Variants in CSMD1 observed in about 807,000 individuals in gnomAD.
CSMD1 encodes the protein CUB and Sushi multiple domains 1, also known as CUB and sushi domain-containing protein 1.
In CSMD1, 213 loss-of-function variants were observed where a neutral mutation model predicts 417.5. That is an observed-to-expected ratio of 0.51 (90% CI 0.46 to 0.57). CSMD1 has a LOEUF of 0.57. CSMD1 is among the 20% of genes least tolerant of loss of function. The pLI is 0.00. For missense variants in CSMD1, 6,923 were observed against 4,529.7 expected, an observed-to-expected ratio of 1.53 and a Z score of -15.17; for synonymous variants, 2,862 against 1,736.8, an observed-to-expected ratio of 1.65 and a Z score of -16.11.
chr8:3,139,233 G>A (rs1426026299), intron 41 of CSMD1, among the ~76,000 whole-genome samples: 1 of 152,190 alleles, frequency 6.6e-6, no homozygotes, highest in Non-Finnish European at 1.5e-5. Context: ...GCTGTGAATG[G>A]CCATCATGGG....
chr8:4,784,161 T>C (rs115514433), intron 1 of CSMD1, among the ~76,000 whole-genome samples: 32 of 152,372 alleles, frequency 2.1e-4, no homozygotes, highest in African/African-American at 7.2e-4. Context: ...TTCATATTTA[T>C]GTACTCAAGT....
intron 3 of CSMD1, among the ~76,000 whole-genome samples, chr8:4,417,493 T>C (rs1293767312): frequency 6.6e-6 from 1 of 152,072 alleles, no homozygotes; most frequent in Non-Finnish European, 1.5e-5. Context: ...CTGTTAATAC[T>C]ACCACAATTC....
intron 1 of CSMD1, 27 bp from the exon 2 acceptor site, chr8:4,637,585 G>C (rs2617008): frequency 0.75 from 1,130,043 of 1,504,878 alleles, 422,131 homozygotes; most frequent in Admixed American, 0.83. Context: ...ACACAAAAAA[G>C]CATATTATTC....
intron 1 of CSMD1, among the ~76,000 whole-genome samples, chr8:4,814,037 G>C (rs1640222961): frequency 6.6e-6 from 1 of 152,194 alleles, no homozygotes; most frequent in Non-Finnish European, 1.5e-5. Context: ...ATTTAAAGGA[G>C]AAAGTAATGT....
chr8:4,059,537 G>T (rs1213552273), intron 3 of CSMD1, among the ~76,000 whole-genome samples: 1 of 152,048 alleles, frequency 6.6e-6, no homozygotes, highest in East Asian at 1.9e-4. Flanking sequence ...AAAATTGATA[G>T]ACTGCTAGCA....
chr8:4,449,671 G>T (rs141845023), intron 2 of CSMD1, among the ~76,000 whole-genome samples: 4 of 152,248 alleles, frequency 2.6e-5, no homozygotes, highest in African/African-American at 9.6e-5. Flanking sequence ...CAGCCTGAGA[G>T]GAATGGGATG....
intron 3 of CSMD1, among the ~76,000 whole-genome samples, chr8:4,250,250 C>T (rs1280531540): frequency 1.3e-5 from 2 of 152,124 alleles, no homozygotes; most frequent in Non-Finnish European, 1.5e-5. Context: ...AGACAACCTG[C>T]AAGAACAAAA....
intron 7 of CSMD1, among the ~76,000 whole-genome samples, chr8:3,633,184 AC>A (rs1188175567): frequency 6.6e-6 from 1 of 152,174 alleles, no homozygotes; most frequent in Non-Finnish European, 1.5e-5. Flanking sequence ...TGATGAACAC[AC>A]CTTTTCTCAC....
At chr8:3,376,189 A>C (rs1810291328) in intron 18 of CSMD1, among the ~76,000 whole-genome samples, 1 of 151,872 alleles carries the variant, frequency 6.6e-6, no homozygotes, top group South Asian at 2.1e-4. Flanking sequence ...TTATTTAATA[A>C]AAAAAATTTT....
chr8:4,070,705 A>G (rs1024087568), intron 3 of CSMD1, among the ~76,000 whole-genome samples: 3 of 152,026 alleles, frequency 2.0e-5, no homozygotes, highest in Non-Finnish European at 2.9e-5. Context: ...AGTTTTCACC[A>G]CAGGTTGTTT....
At chr8:4,291,491 T>G (rs902437260) in intron 3 of CSMD1, among the ~76,000 whole-genome samples, 1 of 152,200 alleles carries the variant, frequency 6.6e-6, no homozygotes, top group Non-Finnish European at 1.5e-5. Flanking sequence ...TAATTCCCAG[T>G]GATTCTGACA....
chr8:4,664,725 A>G (rs1470774070), intron 1 of CSMD1, among the ~76,000 whole-genome samples: 1 of 152,182 alleles, frequency 6.6e-6, no homozygotes, highest in Non-Finnish European at 1.5e-5. Flanking sequence ...TATTTTATAT[A>G]AAAGTGTAGA....
At chr8:4,125,646 A>G (rs1486832677) in intron 3 of CSMD1, among the ~76,000 whole-genome samples, 1 of 152,020 alleles carries the variant, frequency 6.6e-6, no homozygotes, top group Admixed American at 6.6e-5. Context: ...GACCTAACCA[A>G]CTCTATGTTG....
At chr8:4,524,068 T>C (rs1340124877) in intron 2 of CSMD1, among the ~76,000 whole-genome samples, 6 of 152,024 alleles carry the variant, frequency 3.9e-5, no homozygotes, top group African/African-American at 1.4e-4. Context: ...TTTTTTAGAA[T>C]GAACGAACAA....
chr8:3,091,707 C>G (rs1420700202), intron 47 of CSMD1, 45 bp from the exon 48 acceptor site: 2 of 1,567,716 alleles, frequency 1.3e-6, no homozygotes, highest in African/African-American at 1.4e-5. Flanking sequence ...TGAGTGAGCA[C>G]CTACCAAATG....
intron 3 of CSMD1, among the ~76,000 whole-genome samples, chr8:4,035,874 C>G (rs1797589418): frequency 6.6e-6 from 1 of 152,160 alleles, no homozygotes; most frequent in Admixed American, 6.6e-5. Flanking sequence ...ATAGTCCCGT[C>G]CGAAGCCTTC....
chr8:4,119,617 G>C lies in CSMD1; in HGVS notation c.416-87518C>G, dbSNP rs553043616. ...ATCTAGGGAGGAGACCAGGACTTCTGCTCTGTCTGTGCTCTGTGAGGAACA... is the reference window on the plus strand; with the variant it reads ...ATCTAGGGAGGAGACCAGGACTTCTCCTCTGTCTGTGCTCTGTGAGGAACA... On this transcript the variant is annotated intron_variant, in intron 3 of 69. Transcript: ENST00000635120. Among the ~76,000 whole-genome samples, 27 of 152,094 alleles carry C rather than the reference G, an allele frequency of 1.8e-4. No individual in the cohort carries two copies. In the South Asian group the frequency reaches 5.4e-3, roughly 30 times the overall value.
At chr8:3,676,688 G>C (rs886534691) in intron 7 of CSMD1, among the ~76,000 whole-genome samples, 3 of 152,112 alleles carry the variant, frequency 2.0e-5, no homozygotes, top group Admixed American at 1.3e-4. Context: ...ATATCTTAAA[G>C]ATGACTGTCC....
intron 7 of CSMD1, among the ~76,000 whole-genome samples, chr8:3,690,380 C>T (rs1024100403): frequency 6.6e-6 from 1 of 152,130 alleles, no homozygotes; most frequent in South Asian, 2.1e-4. Context: ...CAAAAATTAC[C>T]TGAATCTAAA....
Sources: allele counts gnomAD v4.1 joint callset (sites outside exome capture counted in the v4.1 genomes callset), GRCh38; gene constraint gnomAD v4.1.1; transcripts MANE v1.5; gene names NCBI Gene and HGNC (gene_info 2026-07-23, HGNC 2026-07-21).